PASD1: variants seen among roughly 807,000 people sequenced by gnomAD.
The protein encoded by PASD1 is PAS domain containing repressor 1.
A neutral mutation model predicts 58.8 loss-of-function variants in PASD1; 13 were observed. That is an observed-to-expected ratio of 0.22 (90% CI 0.14 to 0.35). PASD1 has a LOEUF of 0.35. Among genes scored for constraint, PASD1 ranks in the 10% least tolerant of loss-of-function variants. The pLI, the probability that PASD1 is intolerant of heterozygous loss-of-function variation, is 1.00. For synonymous variants in PASD1, 236 were observed against 216.7 expected, an observed-to-expected ratio of 1.09 and a Z score of -0.78; for missense variants, 734 against 568.3, an observed-to-expected ratio of 1.29 and a Z score of -2.96.
intron 1 of PASD1, among the ~76,000 whole-genome samples, chrX:151,580,241 C>T (rs764443831): frequency 3.0e-4 from 34 of 112,399 alleles, no homozygotes; most frequent in African/African-American, 1.0e-3. Context: ...TTGGCTTCAT[C>T]TCTTTATTCT....
intron 8 of PASD1, among the ~76,000 whole-genome samples, chrX:151,628,152 G>A (rs1252437215): frequency 2.7e-5 from 3 of 110,910 alleles, no homozygotes; most frequent in Non-Finnish European, 5.7e-5. Flanking sequence ...CCATTCTGTA[G>A]GTTGCCTGTT....
chrX:151,629,314 T>G (rs1224931740), intron 8 of PASD1, among the ~76,000 whole-genome samples: 1 of 110,595 alleles, frequency 9.0e-6, no homozygotes, highest in Non-Finnish European at 1.9e-5. Context: ...GGGACGGGGT[T>G]TCACCATGTT....
chrX:151,609,802 T>TA (rs2013532021), intron 3 of PASD1, among the ~76,000 whole-genome samples: 1 of 104,577 alleles, frequency 9.6e-6, no homozygotes, highest in African/African-American at 3.6e-5. Flanking sequence ...GCTTTCAGGG[T>TA]GTTTTTTTTT....
intron 8 of PASD1, among the ~76,000 whole-genome samples, chrX:151,628,604 T>C (rs1282287821): frequency 8.9e-6 from 1 of 111,926 alleles, no homozygotes; most frequent in African/African-American, 3.3e-5. Context: ...CCTTGTAGTA[T>C]AGTTTGAAGT....
chrX:151,584,178 G>T (rs769977818), intron 1 of PASD1, among the ~76,000 whole-genome samples: 6 of 111,462 alleles, frequency 5.4e-5, no homozygotes, highest in East Asian at 2.9e-4. Context: ...ACAGATTGAA[G>T]AAATCAATCA....
At chrX:151,674,658 C>A (rs2014521942) in intron 15 of PASD1, among the ~76,000 whole-genome samples, 1 of 112,634 alleles carries the variant, frequency 8.9e-6, no homozygotes, top group Non-Finnish European at 1.9e-5. Context: ...GGCAGGCCTA[C>A]CTTGTGGATT....
intron 1 of PASD1, among the ~76,000 whole-genome samples, chrX:151,564,928 T>C (rs1415626322): frequency 9.0e-6 from 1 of 111,461 alleles, no homozygotes; most frequent in Non-Finnish European, 1.9e-5. Context: ...TATCAGTTAC[T>C]CATCCATCTT....
intron 1 of PASD1, among the ~76,000 whole-genome samples, chrX:151,588,097 G>T: frequency 9.0e-6 from 1 of 111,686 alleles, no homozygotes; most frequent in Non-Finnish European, 1.9e-5. Context: ...CACTCACATT[G>T]ATGAAATGTG....
chrX:151,603,137 CT>C (rs1346218343), intron 2 of PASD1, among the ~76,000 whole-genome samples: 2 of 112,748 alleles, frequency 1.8e-5, no homozygotes, highest in Non-Finnish European at 3.7e-5. Flanking sequence ...CCCCGTCAGT[CT>C]GTAAGATACA....
intron 13 of PASD1, 82 bp downstream of exon 13, chrX:151,671,861 G>C (rs189169900): frequency 3.0e-6 from 3 of 1,007,688 alleles, no homozygotes; most frequent in South Asian, 2.1e-5. Context: ...TTCTCCTTAG[G>C]GGGTAGTGAC....
intron 8 of PASD1, among the ~76,000 whole-genome samples, chrX:151,641,815 T>TACACAC (rs748009729): frequency 1.6e-4 from 17 of 104,737 alleles, no homozygotes; most frequent in South Asian, 4.3e-4. Context: ...CACGCGTACT[T>TACACAC]ACACACACAC....
At chrX:151,633,549 G>A (rs781321604) in intron 8 of PASD1, among the ~76,000 whole-genome samples, 1 of 111,870 alleles carries the variant, frequency 8.9e-6, no homozygotes, top group East Asian at 2.8e-4. Context: ...AGAAGGGATA[G>A]CAGTCTCAGG....
chrX:151,635,770 G>A (rs190169243), intron 8 of PASD1, among the ~76,000 whole-genome samples: 4 of 58,826 alleles, frequency 6.8e-5, no homozygotes, highest in Non-Finnish European at 1.3e-4. Flanking sequence ...GGAGAAGCCC[G>A]TGTAAACCTC....
chrX:151,594,074 T>C (rs74671634), intron 1 of PASD1, among the ~76,000 whole-genome samples: 41,535 of 109,678 alleles, frequency 0.38, 6,004 homozygotes, highest in African/African-American at 0.44. Flanking sequence ...CCTGGATTCA[T>C]GCCATTCTCC....
At chrX:151,579,743 T>C (rs964813047) in intron 1 of PASD1, among the ~76,000 whole-genome samples, 1 of 112,322 alleles carries the variant, frequency 8.9e-6, no homozygotes, top group Non-Finnish European at 1.9e-5. Flanking sequence ...GCCTCTATTC[T>C]GGGTTGTTGG....
At chrX:151,583,575 A>G (rs1569399358) in intron 1 of PASD1, among the ~76,000 whole-genome samples, 1 of 112,119 alleles carries the variant, frequency 8.9e-6, no homozygotes, top group South Asian at 3.7e-4. Context: ...ATAATTAATT[A>G]AAAAACTGGC....
intron 1 of PASD1, among the ~76,000 whole-genome samples, chrX:151,576,082 G>A (rs1192764476): frequency 2.8e-5 from 3 of 107,556 alleles, no homozygotes; most frequent in Admixed American, 2.0e-4. Flanking sequence ...TGGCCAGGCT[G>A]GTTTCGAACT....
intron 10 of PASD1, among the ~76,000 whole-genome samples, chrX:151,662,326 G>A (rs1423607334): frequency 9.2e-6 from 1 of 109,176 alleles, no homozygotes; most frequent in African/African-American, 3.3e-5. Context: ...TTGGCTCATG[G>A]GGCTCTTTTA....
At chrX:151,669,516 C>T (rs1359357568) in intron 11 of PASD1, among the ~76,000 whole-genome samples, 1 of 110,314 alleles carries the variant, frequency 9.1e-6, no homozygotes, top group Non-Finnish European at 1.9e-5. Context: ...TATTTTGGTA[C>T]CCAGTAATCA....
Sources: gnomAD v4.1 joint callset for allele counts (sites outside exome capture counted in the v4.1 genomes callset) on GRCh38, gnomAD v4.1.1 for gene constraint, MANE v1.5 for transcripts, NCBI Gene and HGNC (gene_info 2026-07-23, HGNC 2026-07-21) for gene names.